The following PLD1 variants were observed in gnomAD, a reference collection of about 807,000 sequenced individuals.
PLD1 encodes choline phosphatase 1.
In PLD1, 112 loss-of-function variants were observed where a neutral mutation model predicts 137.1. The ratio of observed to expected loss-of-function variants is 0.82; its 90% confidence interval spans 0.70 to 0.96. The LOEUF (loss-of-function observed/expected upper bound fraction) is 0.96. Among genes scored for constraint, PLD1 ranks in the 40% least tolerant of loss-of-function variants. The pLI is 0.00. For synonymous variants in PLD1, 431 were observed against 454.7 expected (o/e 0.95, Z 0.66); for missense variants, 1,321 against 1,342.0 (o/e 0.98, Z 0.24).
chr3:171,782,311 T>C (rs1336442237), intron 1 of PLD1, among the ~76,000 whole-genome samples: 1 of 152,198 alleles, frequency 6.6e-6, no homozygotes, highest in African/African-American at 2.4e-5. Flanking sequence ...TTCTGTACCT[T>C]GAAAAGGGTT....
chr3:171,678,099 G>A (rs1215182719), intron 16 of PLD1, among the ~76,000 whole-genome samples: 1 of 152,102 alleles, frequency 6.6e-6, no homozygotes, highest in Non-Finnish European at 1.5e-5. Flanking sequence ...GGGGAGAGGT[G>A]GAGAAACCTG....
intron 1 of PLD1, among the ~76,000 whole-genome samples, chr3:171,757,607 T>C (rs896498859): frequency 1.3e-5 from 2 of 152,232 alleles, no homozygotes; most frequent in African/African-American, 4.8e-5. Flanking sequence ...GAAAGATAGA[T>C]GCCAAAAGTG....
chr3:171,705,797 G>A (rs1716632667), intron 11 of PLD1, among the ~76,000 whole-genome samples: 1 of 152,204 alleles, frequency 6.6e-6, no homozygotes, highest in African/African-American at 2.4e-5. Context: ...TTAGCTCTTA[G>A]TATTGATAAA....
intron 1 of PLD1, among the ~76,000 whole-genome samples, chr3:171,779,267 A>C (rs1435762832): frequency 1.3e-5 from 2 of 152,212 alleles, no homozygotes; most frequent in African/African-American, 4.8e-5. Flanking sequence ...ATATTGCAGT[A>C]GTCCAGGTGG....
At chr3:171,735,740 T>A in intron 3 of PLD1, 103 bp from the exon 4 acceptor site, 1 of 647,144 alleles carries the variant, frequency 1.5e-6, no homozygotes, top group East Asian at 2.7e-5. Flanking sequence ...TATACTTAAG[T>A]CCAGCCTACT....
At chr3:171,749,924 T>G (rs191074842) in intron 1 of PLD1, among the ~76,000 whole-genome samples, 1 of 152,208 alleles carries the variant, frequency 6.6e-6, no homozygotes, top group Non-Finnish European at 1.5e-5. Flanking sequence ...ACAGGACAGA[T>G]GGGGTTTGGT....
At chr3:171,631,592 T>C (rs951266374) in intron 23 of PLD1, among the ~76,000 whole-genome samples, 1 of 152,146 alleles carries the variant, frequency 6.6e-6, no homozygotes, top group Admixed American at 6.5e-5. Flanking sequence ...ATTGCAGGGC[T>C]AGTGTTGGGA....
chr3:171,808,735 C>T (rs1211088353), intron 1 of PLD1, among the ~76,000 whole-genome samples: 2 of 151,370 alleles, frequency 1.3e-5, no homozygotes, highest in African/African-American at 2.4e-5. Flanking sequence ...CATTGTACAG[C>T]GCTTACTATA....
At chr3:171,689,244 T>C (rs986158500) in intron 13 of PLD1, among the ~76,000 whole-genome samples, 1 of 152,092 alleles carries the variant, frequency 6.6e-6, no homozygotes, top group Non-Finnish European at 1.5e-5. Flanking sequence ...TTAACTACTA[T>C]TTATCTCTGG....
At chr3:171,727,121 C>G (rs1388761447) in intron 6 of PLD1, among the ~76,000 whole-genome samples, 1 of 151,924 alleles carries the variant, frequency 6.6e-6, no homozygotes, top group African/African-American at 2.4e-5. Context: ...TTTTCAACCA[C>G]TTAAAAATAT....
At position 171,653,527 on chromosome 3, in the gene PLD1, T is replaced by C. The variant is rs889224454; in HGVS notation, c.2429+5686A>G. The C allele has an allele frequency of 1.3e-5, 2 of 152,200 alleles. 1 individual carries two copies. Among genetic ancestry groups the C allele is most frequent in the Non-Finnish European group, 2.9e-5 (2 of 68,026 alleles). The allele number at this position is 152,200 out of a possible 1,614,324, so 9.4% of individuals were successfully genotyped here. A position where few individuals can be genotyped will look rare whatever the true frequency, so the allele number is the denominator to read the frequency against. On this transcript the variant is annotated intron_variant, in intron 21 of 26. Transcript: ENST00000351298. Reference sequence around the variant, plus strand: ...TAATCGTGTGCCTAAACAAGTCACATGATGAACAACAGCCAGTCGTGAGAA... The same window carrying C: ...TAATCGTGTGCCTAAACAAGTCACACGATGAACAACAGCCAGTCGTGAGAA...
intron 15 of PLD1, 25 bp from the exon 16 acceptor site, chr3:171,686,823 CA>C: frequency 4.5e-6 from 5 of 1,109,522 alleles, no homozygotes; most frequent in East Asian, 2.4e-5. Flanking sequence ...AATTTTTTTA[CA>C]AAAAAATACA....
chr3:171,618,720 ATGTGTGTGTG>A (rs199668732), intron 24 of PLD1, among the ~76,000 whole-genome samples: 33 of 140,656 alleles, frequency 2.3e-4, no homozygotes, highest in African/African-American at 7.5e-4. Context: ...AAAAGTGTGT[ATGTGTGTGTG>A]TGTGTGTGTG....
At chr3:171,686,623 C>A in intron 16 of PLD1, 62 bp downstream of exon 16, 1 of 834,672 alleles carries the variant, frequency 1.2e-6, no homozygotes, top group Non-Finnish European at 2.0e-6. Flanking sequence ...TATGCCCATG[C>A]AGCAGACAAC....
At chr3:171,701,652 T>C (rs1378373009) in intron 11 of PLD1, among the ~76,000 whole-genome samples, 2 of 152,228 alleles carry the variant, frequency 1.3e-5, no homozygotes, top group African/African-American at 4.8e-5. Flanking sequence ...GAAAAAAAGA[T>C]TTTGTTATAT....
At chr3:171,767,358 A>T (rs1238627303) in intron 1 of PLD1, among the ~76,000 whole-genome samples, 4 of 152,204 alleles carry the variant, frequency 2.6e-5, no homozygotes, top group African/African-American at 9.6e-5. Flanking sequence ...AAAGTGGAGC[A>T]CAAGCTTACC....
intron 1 of PLD1, chr3:171,809,665 C>A (rs1165250759): frequency 6.6e-6 from 1 of 152,276 alleles, no homozygotes; most frequent in East Asian, 1.9e-4. Flanking sequence ...ACAGGCGTGG[C>A]GGTAGTTCAG....
intron 9 of PLD1, among the ~76,000 whole-genome samples, chr3:171,711,336 A>G (rs966906829): frequency 6.6e-6 from 1 of 150,978 alleles, no homozygotes; most frequent in African/African-American, 2.4e-5. Flanking sequence ...ATGCCTGGCT[A>G]ATTTTTGTAT....
At chr3:171,781,604 A>G (rs1212431754) in intron 1 of PLD1, among the ~76,000 whole-genome samples, 3 of 152,230 alleles carry the variant, frequency 2.0e-5, no homozygotes, top group African/African-American at 7.2e-5. Flanking sequence ...ACAAAGGAAG[A>G]CAGACTCGTG....
Sources: allele counts gnomAD v4.1 joint callset (sites outside exome capture counted in the v4.1 genomes callset), GRCh38; gene constraint gnomAD v4.1.1; transcripts MANE v1.5; gene names NCBI Gene and HGNC (gene_info 2026-07-23, HGNC 2026-07-21).